The following NECTIN2 variants were observed in gnomAD, a reference collection of about 807,000 sequenced individuals.
NECTIN2 encodes nectin cell adhesion molecule 2, also known as nectin-2.
NECTIN2 carries 23 observed loss-of-function variants against 56.9 expected under a neutral mutation model. That is an observed-to-expected ratio of 0.40 (90% CI 0.29 to 0.57). The LOEUF (loss-of-function observed/expected upper bound fraction) is 0.57, where lower values mean the gene tolerates loss of function less well. NECTIN2 is among the 20% of genes least tolerant of loss of function. The pLI, the probability that NECTIN2 is intolerant of heterozygous loss-of-function variation, is 0.38. For synonymous variants in NECTIN2, 302 were observed against 313.8 expected (o/e 0.96, Z 0.40); for missense variants, 587 against 718.3 (o/e 0.82, Z 2.09).
intron 5 of NECTIN2, chr19:44,878,685 T>C: frequency 6.6e-7 from 1 of 1,515,394 alleles, no homozygotes; most frequent in Non-Finnish European, 8.8e-7. Context: ...CACGCCGGCC[T>C]AGGGTTCCAG....
At chr19:44,869,821 CA>C (rs1969151704) in intron 2 of NECTIN2, among the ~76,000 whole-genome samples, 1 of 151,822 alleles carries the variant, frequency 6.6e-6, no homozygotes, top group African/African-American at 2.4e-5. Context: ...TGGTGGCGCA[CA>C]CCTGTAATCC....
chr19:44,870,567 A>T (rs1969161803), intron 2 of NECTIN2, among the ~76,000 whole-genome samples: 1 of 139,860 alleles, frequency 7.2e-6, no homozygotes, highest in South Asian at 2.1e-4. Flanking sequence ...GAAAGGGTAT[A>T]AAAAAAAGAA....
intron 1 of NECTIN2, among the ~76,000 whole-genome samples, chr19:44,862,043 C>T (rs1046562735): frequency 6.6e-6 from 1 of 152,262 alleles, no homozygotes; most frequent in African/African-American, 2.4e-5. Context: ...TACATGTATG[C>T]GTATGTTCAT....
intron 5 of NECTIN2, chr19:44,878,925 C>T (rs2122703080): frequency 8.4e-7 from 1 of 1,187,212 alleles, no homozygotes; most frequent in African/African-American, 1.6e-5. Flanking sequence ...TAATAAATGC[C>T]TTGGAGGAAA....
chr19:44,872,450 C>A (rs979920041), intron 3 of NECTIN2, among the ~76,000 whole-genome samples: 4 of 152,148 alleles, frequency 2.6e-5, no homozygotes, highest in African/African-American at 9.7e-5. Context: ...GAAGTCTTCT[C>A]GGTAGCTTGA....
At chr19:44,888,030 T>G in intron 8 of NECTIN2, 80 bp from the exon 9 acceptor site, 1 of 1,484,748 alleles carries the variant, frequency 6.7e-7, no homozygotes, top group South Asian at 1.3e-5. Context: ...GCGGTCAGGA[T>G]TTTGGGGTCA....
chr19:44,882,358 A>G lies in NECTIN2; in HGVS notation c.1190A>G (p.Asp397Gly). 1 of 1,441,536 alleles carries G rather than the reference A, an allele frequency of 6.9e-7. No homozygotes were observed. Among genetic ancestry groups the G allele is most frequent in the Middle Eastern group, 1.9e-4 (1 of 5,250 alleles). The allele number at this position is 1,441,536 out of a possible 1,614,324, so 89.3% of individuals were successfully genotyped here. ...KEQTLQGAEE[D>G]EDLEGPPSYK... is the part of the protein sequence containing the mutation. ...CAGACGCTGCAGGGGGCAGAGGAGG[A>G]CGAAGAGTAAGTGATGGGCCCTGAG... Residue 397 changes from aspartate to glycine, a missense_variant, in exon 6 of 9, where the codon GAC becomes GGC. Transcript: ENST00000252483.
chr19:44,872,110 G>A lies in NECTIN2; in HGVS notation c.736G>A (p.Glu246Lys), dbSNP rs138153191. 2.2e-5 allele frequency: 35 copies of A among 1,614,026 alleles called. No homozygotes were observed. The highest frequency in any genetic ancestry group is 1.2e-4 in the Admixed American group (7 of 59,994). ...CTGCAAAGTGGAGCATGAGAGCTTCGAGGAACCAGCCCTGATACCTGTGAC... is the reference window on the plus strand; with the variant it reads ...CTGCAAAGTGGAGCATGAGAGCTTCAAGGAACCAGCCCTGATACCTGTGAC... The part of the protein sequence containing the change: ...VTCKVEHESF[E>K]EPALIPVTLS... The change falls in exon 3 of 9, where the codon GAG becomes AAG. Residue 246 changes from glutamate (E) to lysine (K), a missense_variant. Coordinates refer to ENST00000252483, the MANE Select transcript of NECTIN2 (RefSeq NM_001042724.2).
intron 2 of NECTIN2, 21 bp from the exon 3 acceptor site, chr19:44,871,832 C>G: frequency 6.2e-7 from 1 of 1,605,728 alleles, no homozygotes; most frequent in Non-Finnish European, 8.5e-7. Context: ...AGTGACGCAC[C>G]CCCTCTCCTC....
At chr19:44,878,142 C>G (rs979966826) in intron 5 of NECTIN2, 5 of 613,732 alleles carry the variant, frequency 8.1e-6, no homozygotes, top group Non-Finnish European at 1.5e-5. Context: ...ATCTCCCCCA[C>G]CCCCTCACTC....
At chr19:44,881,617 AT>A (rs1375704629) in intron 5 of NECTIN2, among the ~76,000 whole-genome samples, 2 of 150,820 alleles carry the variant, frequency 1.3e-5, no homozygotes, top group African/African-American at 4.9e-5. Flanking sequence ...AGCCCAGGAG[AT>A]TGGGGCTACA....
chr19:44,878,596 C>G, intron 5 of NECTIN2: 1 of 1,605,884 alleles, frequency 6.2e-7, no homozygotes, highest in Non-Finnish European at 8.5e-7. Flanking sequence ...GCTCCCTCAT[C>G]TCACGGCGGG....
chr19:44,866,939 G>A (rs1039811164), intron 2 of NECTIN2, among the ~76,000 whole-genome samples: 2 of 152,156 alleles, frequency 1.3e-5, no homozygotes, highest in African/African-American at 4.8e-5. Flanking sequence ...CAGGGAGGCC[G>A]AGGTGGGAGG....
intron 5 of NECTIN2, among the ~76,000 whole-genome samples, chr19:44,880,922 G>A (rs115748505): frequency 0.021 from 3,119 of 151,936 alleles, 119 homozygotes; most frequent in African/African-American, 0.07. Context: ...ACAGGCGCGC[G>A]CTAGCATGCC....
At chr19:44,848,123 T>C (rs1968858595) in intron 1 of NECTIN2, among the ~76,000 whole-genome samples, 1 of 152,130 alleles carries the variant, frequency 6.6e-6, no homozygotes, top group South Asian at 2.1e-4. Context: ...AGGATGGCTC[T>C]CACTGGCCTC....
At chr19:44,856,216 T>C (rs1252660262) in intron 1 of NECTIN2, among the ~76,000 whole-genome samples, 1 of 152,196 alleles carries the variant, frequency 6.6e-6, no homozygotes, top group East Asian at 1.9e-4. Context: ...CAGAATTGCT[T>C]GAACCCAGAG....
At chr19:44,859,819 C>T (rs532892863) in intron 1 of NECTIN2, among the ~76,000 whole-genome samples, 5 of 139,210 alleles carry the variant, frequency 3.6e-5, no homozygotes, top group East Asian at 4.0e-4. Context: ...AGCAAGACTC[C>T]GTCTCCAAAA....
chr19:44,851,563 G>A (rs886964211), intron 1 of NECTIN2, among the ~76,000 whole-genome samples: 1 of 152,118 alleles, frequency 6.6e-6, no homozygotes, highest in South Asian at 2.1e-4. Flanking sequence ...TGTCCCCATT[G>A]TTCTCCCATG....
Position 44,846,302 on chromosome 19 carries a change from G to A in NECTIN2, c.-224G>A. 1 of 465,826 alleles carries A rather than the reference G, an allele frequency of 2.1e-6. No individual in the cohort carries two copies. The highest frequency in any genetic ancestry group is 3.7e-6 in the Non-Finnish European group (1 of 272,306). 28.9% of individuals were successfully genotyped at this position (465,826 alleles called of 1,614,324 possible). On this transcript the variant is annotated 5_prime_UTR_variant, in exon 1 of 9. Coordinates refer to ENST00000252483, the MANE Select transcript of NECTIN2 (RefSeq NM_001042724.2). ...GGGAGCAGCGGGTGGATCCTGTGAC[G>A]TCAGCGGGTTCGAACCGCCGGAGCT...
Sources: allele counts gnomAD v4.1 joint callset (sites outside exome capture counted in the v4.1 genomes callset), GRCh38; gene constraint gnomAD v4.1.1; transcripts MANE v1.5; gene names NCBI Gene and HGNC (gene_info 2026-07-23, HGNC 2026-07-21).